Variants in VAMP7 observed in about 807,000 individuals in gnomAD.
VAMP7 encodes the protein vesicle associated membrane protein 7.
VAMP7 carries 14 observed loss-of-function variants against 29.6 expected under a neutral mutation model. The ratio of observed to expected loss-of-function variants is 0.47; its 90% CI spans 0.31 to 0.74. The LOEUF is 0.74. Among genes scored for constraint, VAMP7 ranks in the 30% least tolerant of loss-of-function variants. The pLI, the probability that VAMP7 is intolerant of heterozygous loss-of-function variation, is 0.05. For synonymous variants in VAMP7, 95 were observed against 88.1 expected, an observed-to-expected ratio of 1.08 and a Z score of -0.44; for missense variants, 223 against 262.4, an observed-to-expected ratio of 0.85 and a Z score of 1.04.
chrX:155,914,388 C>T (rs1383678437), intron 5 of VAMP7, among the ~76,000 whole-genome samples: 6 of 152,112 alleles, frequency 3.9e-5, no homozygotes, highest in Admixed American at 3.9e-4. Flanking sequence ...GACAGAACTT[C>T]CAATACTATG....
chrX:155,889,207 GGT>G (rs937215050), intron 1 of VAMP7, among the ~76,000 whole-genome samples: 3 of 151,078 alleles, frequency 2.0e-5, no homozygotes, highest in Non-Finnish European at 3.0e-5. Context: ...AGCTATCAAT[GGT>G]GTGTGTGTGT....
Position 155,900,599 on chromosome X carries a change from G to T in VAMP7, c.433+12G>T, listed in dbSNP as rs748535315. ...GGTCAGAAACATAGGTATGTTTCATGGCATAGTTTCATGCATGTGGGCAAA... is the reference window on the plus strand; with the variant it reads ...GGTCAGAAACATAGGTATGTTTCATTGCATAGTTTCATGCATGTGGGCAAA... On this transcript the variant is annotated intron_variant, in intron 5 of 7. Coordinates refer to ENST00000286448, the MANE Select transcript of VAMP7 (RefSeq NM_005638.6). The T allele has an allele frequency of 1.9e-6, 3 of 1,594,046 alleles. No homozygotes were observed. Among genetic ancestry groups the T allele is most frequent in the East Asian group, 4.5e-5 (2 of 44,266 alleles).
At chrX:155,900,133 C>A (rs2124273757) in intron 4 of VAMP7, among the ~76,000 whole-genome samples, 1 of 152,086 alleles carries the variant, frequency 6.6e-6, no homozygotes, top group African/African-American at 2.4e-5. Context: ...ATTCTTTCCC[C>A]CACTGCCCCA....
intron 6 of VAMP7, among the ~76,000 whole-genome samples, chrX:155,935,009 A>G (rs895312061): frequency 2.0e-5 from 3 of 152,114 alleles, no homozygotes; most frequent in Non-Finnish European, 4.4e-5. Context: ...TCTTTTCTTT[A>G]AGAATTTTGG....
intron 5 of VAMP7, among the ~76,000 whole-genome samples, chrX:155,915,997 T>C (rs768512877): frequency 1.1e-4 from 16 of 152,314 alleles, no homozygotes; most frequent in African/African-American, 3.8e-4. Flanking sequence ...TCTGAGTCTC[T>C]TTGTAGGTCT....
chrX:155,881,873 G>A (rs2065806406), intron 1 of VAMP7, among the ~76,000 whole-genome samples: 1 of 151,868 alleles, frequency 6.6e-6, no homozygotes, highest in Non-Finnish European at 1.5e-5. Flanking sequence ...CCCCTTATTC[G>A]CCCTTCCTCC....
chrX:155,915,720 T>A (rs192531933), intron 5 of VAMP7, among the ~76,000 whole-genome samples: 2 of 152,338 alleles, frequency 1.3e-5, no homozygotes, highest in East Asian at 3.9e-4. Flanking sequence ...GGCACTGTGG[T>A]CTGAGAGACT....
chrX:155,907,892 G>A (rs2066170933), intron 5 of VAMP7, among the ~76,000 whole-genome samples: 3 of 152,196 alleles, frequency 2.0e-5, no homozygotes, highest in African/African-American at 4.8e-5. Flanking sequence ...CAGGGCGGCC[G>A]GGCAGCGACG....
chrX:155,909,328 CTCTT>C (rs2066199902), intron 5 of VAMP7, among the ~76,000 whole-genome samples: 1 of 152,070 alleles, frequency 6.6e-6, no homozygotes, highest in Non-Finnish European at 1.5e-5. Flanking sequence ...GTGATGTCTC[CTCTT>C]TCATTTCTGA....
chrX:155,915,876 G>C (rs2066304975), intron 5 of VAMP7, among the ~76,000 whole-genome samples: 1 of 152,124 alleles, frequency 6.6e-6, no homozygotes, highest in African/African-American at 2.4e-5. Context: ...ATGTCTATTA[G>C]GTCCTCTTGG....
At chrX:155,886,058 G>A (rs1179431578) in intron 1 of VAMP7, among the ~76,000 whole-genome samples, 1 of 152,084 alleles carries the variant, frequency 6.6e-6, no homozygotes, top group Non-Finnish European at 1.5e-5. Flanking sequence ...TTGATATGGG[G>A]CTTTCCTTTA....
intron 6 of VAMP7, among the ~76,000 whole-genome samples, chrX:155,925,158 G>A (rs2066450497): frequency 6.6e-6 from 1 of 152,122 alleles, no homozygotes; most frequent in African/African-American, 2.4e-5. Context: ...AAAGTAATTT[G>A]TGAGGGTTGT....
At chrX:155,931,756 G>T (rs762103266) in intron 6 of VAMP7, among the ~76,000 whole-genome samples, 2 of 152,146 alleles carry the variant, frequency 1.3e-5, no homozygotes, top group South Asian at 2.1e-4. Flanking sequence ...CATTGTTTTT[G>T]GTGTTTTAGA....
intron 5 of VAMP7, among the ~76,000 whole-genome samples, chrX:155,904,832 CTG>C (rs2066124935): frequency 6.6e-6 from 1 of 150,538 alleles, no homozygotes; most frequent in Non-Finnish European, 1.5e-5. Flanking sequence ...AGTTCATGGT[CTG>C]GTTATTATAA....
At chrX:155,904,196 G>A (rs1361278020) in intron 5 of VAMP7, among the ~76,000 whole-genome samples, 2 of 133,164 alleles carry the variant, frequency 1.5e-5, no homozygotes, top group African/African-American at 2.8e-5. Context: ...CACACTCTGG[G>A]GACTGTTGTG....
At chrX:155,904,350 A>G (rs905423457) in intron 5 of VAMP7, among the ~76,000 whole-genome samples, 1 of 118,272 alleles carries the variant, frequency 8.5e-6, no homozygotes, top group African/African-American at 3.6e-5. Flanking sequence ...AACTTAAAGT[A>G]TAATAATAAT....
At chrX:155,934,007 G>A (rs1286734366) in intron 6 of VAMP7, among the ~76,000 whole-genome samples, 2 of 152,208 alleles carry the variant, frequency 1.3e-5, no homozygotes, top group African/African-American at 4.8e-5. Flanking sequence ...TAGCTGAGCA[G>A]TTTTGAGTGA....
At chrX:155,916,114 CT>C (rs1312018271) in intron 5 of VAMP7, among the ~76,000 whole-genome samples, 4 of 152,092 alleles carry the variant, frequency 2.6e-5, no homozygotes, top group African/African-American at 9.7e-5. Context: ...ATGTAATGCC[CT>C]TTTTTGTCTT....
intron 6 of VAMP7, among the ~76,000 whole-genome samples, chrX:155,924,148 T>C (rs2066435763): frequency 6.6e-6 from 1 of 152,176 alleles, no homozygotes; most frequent in Admixed American, 6.5e-5. Flanking sequence ...TCAAGTACTT[T>C]TTAAATTGTT....
Sources: gnomAD v4.1 joint callset for allele counts (sites outside exome capture counted in the v4.1 genomes callset) on GRCh38, gnomAD v4.1.1 for gene constraint, MANE v1.5 for transcripts, NCBI Gene and HGNC (gene_info 2026-07-23, HGNC 2026-07-21) for gene names.